The following COTL1 variants were observed in gnomAD, a reference collection of about 807,000 sequenced individuals.
COTL1 encodes coactosin like F-actin binding protein 1.
Under a neutral mutation model 16.5 loss-of-function variants are expected in COTL1, and 15 were observed. The observed-to-expected ratio is 0.91, with a 90% CI of 0.61 to 1.40. The LOEUF (loss-of-function observed/expected upper bound fraction) is 1.40, where lower values mean the gene tolerates loss of function less well. Ranked by LOEUF, COTL1 falls within the 40% of genes most tolerant of loss-of-function variation. COTL1 has a pLI of 0.00. For missense variants in COTL1, 220 were observed against 201.5 expected, an observed-to-expected ratio of 1.09 and a Z score of -0.56; for synonymous variants, 112 against 85.3, an observed-to-expected ratio of 1.31 and a Z score of -1.73.
chr16:84,599,538 G>A (rs575348007), intron 2 of COTL1, among the ~76,000 whole-genome samples: 1 of 152,216 alleles, frequency 6.6e-6, no homozygotes, highest in South Asian at 2.1e-4. Flanking sequence ...TGATCACCAT[G>A]CCAGGCATGT....
intron 2 of COTL1, chr16:84,594,283 G>C (rs923536324): frequency 6.6e-6 from 1 of 152,330 alleles, no homozygotes; most frequent in African/African-American, 2.4e-5. Flanking sequence ...TAGCCCATCA[G>C]GGTGGAACCT....
chr16:84,603,398 C>T lies in COTL1; in HGVS notation c.161-13136G>A, dbSNP rs1293476154. On this transcript the variant is annotated intron_variant, in intron 2 of 3. Transcript: ENST00000262428. The stretch of plus-strand genomic sequence containing the variant: ...GCTCTGAGTGAACACACTGGAAACC[C>T]GGCCGTGGGTACAACACGGCGTCAC... Among the ~76,000 whole-genome samples the T allele has an allele frequency of 2.0e-5, 3 of 152,130 alleles. No homozygotes were observed. In the East Asian group the frequency reaches 5.8e-4, roughly 29 times the overall value.
At chr16:84,577,935 C>T (rs924268698) in intron 3 of COTL1, among the ~76,000 whole-genome samples, 1 of 152,172 alleles carries the variant, frequency 6.6e-6, no homozygotes, top group Non-Finnish European at 1.5e-5. Flanking sequence ...TCAGGCTCGG[C>T]TTTCCTGACC....
At chr16:84,583,595 A>T (rs2966324) in intron 3 of COTL1, among the ~76,000 whole-genome samples, 67,471 of 151,908 alleles carry the variant, frequency 0.44, 17,161 homozygotes, top group African/African-American at 0.68. Flanking sequence ...TAGCTGGGAC[A>T]ACAGGCATGC....
intron 2 of COTL1, among the ~76,000 whole-genome samples, chr16:84,614,734 C>T (rs1376199082): frequency 6.6e-6 from 1 of 152,138 alleles, no homozygotes; most frequent in Non-Finnish European, 1.5e-5. Context: ...CCTTTCTTCT[C>T]AGGCCTGTCA....
chr16:84,616,843 C>A (rs935598629), intron 2 of COTL1, among the ~76,000 whole-genome samples: 1 of 152,208 alleles, frequency 6.6e-6, no homozygotes, highest in African/African-American at 2.4e-5. Context: ...CCTCCCAGAT[C>A]AACAAATGTC....
intron 2 of COTL1, among the ~76,000 whole-genome samples, chr16:84,598,574 C>A (rs889618785): frequency 6.6e-6 from 1 of 152,152 alleles, no homozygotes; most frequent in East Asian, 1.9e-4. Context: ...TCTCCTCTGA[C>A]CTTTCCCCTG....
intron 3 of COTL1, among the ~76,000 whole-genome samples, chr16:84,570,146 C>T (rs189607120): frequency 2.9e-4 from 44 of 152,142 alleles, no homozygotes; most frequent in Non-Finnish European, 2.9e-4. Flanking sequence ...TGTAGTGGCG[C>T]GAGCCTGTAA....
chr16:84,586,156 C>T (rs564058865), intron 3 of COTL1, among the ~76,000 whole-genome samples: 1 of 152,136 alleles, frequency 6.6e-6, no homozygotes, highest in Non-Finnish European at 1.5e-5. Flanking sequence ...GCAGAGGCTG[C>T]CTGACGCCAA....
In COTL1 at chr16:84,617,824, T is replaced by C. The variant is rs753727953; in HGVS notation, c.77+14A>G. On this transcript the variant is annotated intron_variant, in intron 1 of 3. Coordinates refer to ENST00000262428, the MANE Select transcript of COTL1 (RefSeq NM_021149.5). The stretch of plus-strand genomic sequence containing the variant: ...CCGGGGAGCGGGGCGTGGAGACGAA[T>C]GAAAAGTTCCTACCAGATGACGGCC... 1.6e-5 allele frequency: 25 copies of C among 1,567,470 alleles called. No homozygotes were observed. In the East Asian group the frequency reaches 4.0e-4, roughly 25 times the overall value.
chr16:84,590,100 A>C lies in COTL1; in HGVS notation c.318+5T>G, dbSNP rs1567535028. The stretch of plus-strand genomic sequence containing the variant: ...TGACCTCCAGACTCTGGAGGAACTC[A>C]GTACCTGTACGACCTCCTTCACCAG... On this transcript the variant is annotated splice_donor_5th_base_variant and intron_variant, in intron 3 of 3. Transcript: ENST00000262428. The surrounding 1 kb of genome is among the most constrained non-coding windows in gnomAD (Gnocchi z 5.5). The C allele has an allele frequency of 2.5e-6, 4 of 1,610,968 alleles. No homozygotes were observed. In the South Asian group the frequency reaches 3.3e-5, roughly 13 times the overall value.
At chr16:84,614,013 C>A (rs1359260315) in intron 2 of COTL1, among the ~76,000 whole-genome samples, 2 of 152,204 alleles carry the variant, frequency 1.3e-5, no homozygotes, top group Non-Finnish European at 2.9e-5. Flanking sequence ...TAAACCTCCC[C>A]CCTCCCCGCA....
chr16:84,617,454 C>T, intron 2 of COTL1, 47 bp downstream of exon 2: 1 of 1,527,944 alleles, frequency 6.5e-7, no homozygotes, highest in East Asian at 2.5e-5. Flanking sequence ...CGGGTGCAGA[C>T]AACCTCCCAA....
intron 2 of COTL1, among the ~76,000 whole-genome samples, chr16:84,612,217 T>C (rs545694896): frequency 6.6e-5 from 10 of 152,314 alleles, no homozygotes; most frequent in African/African-American, 2.4e-4. Context: ...GGTTACCAGA[T>C]GGGTAACTCA....
At chr16:84,612,475 C>A (rs1308343284) in intron 2 of COTL1, among the ~76,000 whole-genome samples, 1 of 152,002 alleles carries the variant, frequency 6.6e-6, no homozygotes, top group Non-Finnish European at 1.5e-5. Flanking sequence ...TCTACGAGTG[C>A]TATCAGAGTA....
At chr16:84,601,410 C>G (rs764142344) in intron 2 of COTL1, among the ~76,000 whole-genome samples, 2 of 152,240 alleles carry the variant, frequency 1.3e-5, no homozygotes, top group African/African-American at 4.8e-5. Flanking sequence ...GCCTGGGCAG[C>G]TGTGACCAGG....
chr16:84,607,286 A>G (rs1203177204), intron 2 of COTL1, among the ~76,000 whole-genome samples: 1 of 152,194 alleles, frequency 6.6e-6, no homozygotes, highest in Non-Finnish European at 1.5e-5. Context: ...AGATGAAGAC[A>G]GTGCAGGCAG....
chr16:84,590,327 G>T lies in COTL1; in HGVS notation c.161-65C>A. On this transcript the variant is annotated intron_variant, in intron 2 of 3. Coordinates refer to ENST00000262428, the MANE Select transcript of COTL1 (RefSeq NM_021149.5). This position sits in a 1 kb window ranked among gnomAD's most constrained non-coding sequence, Gnocchi z 5.5. ...AAACACCCCCATGTCATGTCCCTGGGGAGAGGCTGTGAGCCACGAGTGCGC... is the reference window on the plus strand; with the variant it reads ...AAACACCCCCATGTCATGTCCCTGGTGAGAGGCTGTGAGCCACGAGTGCGC... 6.4e-7 allele frequency: 1 copy of T among 1,573,120 alleles called. No homozygotes were observed.
At chr16:84,581,250 CCAAAAAGGCCCTT>C (rs1170593314) in intron 3 of COTL1, among the ~76,000 whole-genome samples, 2 of 152,086 alleles carry the variant, frequency 1.3e-5, no homozygotes, top group Non-Finnish European at 2.9e-5. Context: ...ATGCATCAGG[CCAAAAAGGCCCTT>C]CTGGTTATGC....
Sources: allele counts gnomAD v4.1 joint callset (sites outside exome capture counted in the v4.1 genomes callset), GRCh38; gene constraint gnomAD v4.1.1; non-coding constraint Gnocchi (gnomAD v3.1); transcripts MANE v1.5; gene names NCBI Gene and HGNC (gene_info 2026-07-23, HGNC 2026-07-21).